The following VPS45 variants were observed in gnomAD, a reference collection of about 807,000 sequenced individuals.
The protein encoded by VPS45 is vacuolar protein sorting-associated protein 45.
A neutral mutation model predicts 75.9 loss-of-function variants in VPS45; 35 were observed. The ratio of observed to expected loss-of-function variants is 0.46; its 90% CI spans 0.35 to 0.61. The LOEUF is 0.61. Ranked by LOEUF, VPS45 falls within the 20% of genes least tolerant of loss-of-function variation. VPS45 has a pLI of 0.00. For missense variants in VPS45, 559 were observed against 685.9 expected, an observed-to-expected ratio of 0.81 and a Z score of 2.07; for synonymous variants, 220 against 238.2, an observed-to-expected ratio of 0.92 and a Z score of 0.70.
At chr1:150,068,483 T>C in intron 1 of VPS45, 147 bp from the exon 2 acceptor site, 2 of 654,982 alleles carry the variant, frequency 3.1e-6, no homozygotes, top group Non-Finnish European at 4.5e-6. Context: ...GTATGTTACC[T>C]ACCTGTTTGG....
At chr1:150,091,864 A>G (rs1340066729) in intron 10 of VPS45, 73 bp from the exon 11 acceptor site, 8 of 1,368,998 alleles carry the variant, frequency 5.8e-6, no homozygotes, top group East Asian at 4.6e-5. Flanking sequence ...TTCAATAATT[A>G]TTAGATCTAA....
At chr1:150,139,511 T>A (rs1553814705) in intron 14 of VPS45, among the ~76,000 whole-genome samples, 1 of 152,072 alleles carries the variant, frequency 6.6e-6, no homozygotes, top group Non-Finnish European at 1.5e-5. Context: ...ATGGTAGCAT[T>A]TTATTCCTCT....
chr1:150,117,287 C>T (rs1657989185), intron 14 of VPS45, among the ~76,000 whole-genome samples: 2 of 150,876 alleles, frequency 1.3e-5, no homozygotes, highest in African/African-American at 4.9e-5. Flanking sequence ...TTTGGGAGGC[C>T]AAGGTGGGCG....
intron 14 of VPS45, among the ~76,000 whole-genome samples, chr1:150,123,360 G>A (rs1181696171): frequency 3.3e-5 from 5 of 152,098 alleles, no homozygotes; most frequent in African/African-American, 1.2e-4. Context: ...GCGTTAATAG[G>A]GTTTTAAGCA....
intron 10 of VPS45, among the ~76,000 whole-genome samples, chr1:150,087,174 C>T (rs587629653): frequency 1.3e-5 from 2 of 152,238 alleles, no homozygotes; most frequent in South Asian, 2.1e-4. Flanking sequence ...ATGGTTTTCT[C>T]GTTGATGTCT....
chr1:150,068,655 C>T lies in VPS45; in HGVS notation c.119C>T (p.Thr40Ile), dbSNP rs782223723. ...ACTGGCATAGTGAGTATGGTATACACACAATCGGAGATTCTACAGAAGGAA... is the reference window on the plus strand; with the variant it reads ...ACTGGCATAGTGAGTATGGTATACATACAATCGGAGATTCTACAGAAGGAA... ...ETTGIVSMVY[T>I]QSEILQKEVY... The change falls in exon 2 of 15, where the codon ACA becomes ATA. Residue 40 changes from threonine (T) to isoleucine (I), a missense_variant. Thr to Ile is a moderately conservative substitution (Grantham distance 89). Transcript: ENST00000644510. The T allele has an allele frequency of 1.1e-5, 17 of 1,609,654 alleles. No homozygotes were observed. Among genetic ancestry groups the T allele is most frequent in the Non-Finnish European group, 1.4e-5 (16 of 1,177,908 alleles).
chr1:150,078,234 A>C (rs587599419), intron 7 of VPS45, among the ~76,000 whole-genome samples: 1 of 152,266 alleles, frequency 6.6e-6, no homozygotes, highest in Admixed American at 6.5e-5. Flanking sequence ...GGCTTAAAAA[A>C]CTTCATTGGT....
intron 7 of VPS45, among the ~76,000 whole-genome samples, chr1:150,080,149 GTT>G (rs869177411): frequency 1.4e-5 from 2 of 145,388 alleles, no homozygotes; most frequent in Non-Finnish European, 1.5e-5. Context: ...TTTGTTGTAC[GTT>G]TTTTTTTTTT....
At position 150,144,617 on chromosome 1, in the gene VPS45, T is replaced by C. The variant is rs139473655; in HGVS notation, c.1626-92T>C. 9 of 1,111,626 alleles carry C rather than the reference T, an allele frequency of 8.1e-6. No homozygotes were observed. In the East Asian group the frequency reaches 2.2e-4, roughly 27 times the overall value. The allele number at this position is 1,111,626 out of a possible 1,614,324, so 68.9% of individuals were successfully genotyped here. On this transcript the variant is annotated intron_variant, in intron 14 of 14. Transcript: ENST00000644510. ...TACCTCCTGCCTACTATTCATGATATATTTTCATCTGGTTAGATGTCCAGA... is the reference window on the plus strand; with the variant it reads ...TACCTCCTGCCTACTATTCATGATACATTTTCATCTGGTTAGATGTCCAGA...
At chr1:150,092,139 GTTA>G in intron 11 of VPS45, 44 bp downstream of exon 11, 1 of 1,588,756 alleles carries the variant, frequency 6.3e-7, no homozygotes, top group Non-Finnish European at 8.6e-7. Context: ...AACCAACTCT[GTTA>G]TTATATTCTT....
At chr1:150,131,017 G>A (rs1304654642) in intron 14 of VPS45, among the ~76,000 whole-genome samples, 2 of 152,196 alleles carry the variant, frequency 1.3e-5, no homozygotes, top group Non-Finnish European at 2.9e-5. Flanking sequence ...GCTCAGATTT[G>A]TGTGATGCTG....
Position 150,092,417 on chromosome 1 carries a change from C to A in VPS45, c.1371+8C>A. On this transcript the variant is annotated splice_region_variant and intron_variant, in intron 12 of 14. Coordinates refer to ENST00000644510, the MANE Select transcript of VPS45 (RefSeq NM_007259.5). ...TTCCTCAAAGGACTGAAGGTATAGA[C>A]ATCTCCTCTATGCTCTCCTGAGTGA... 1 of 1,611,224 alleles carries A rather than the reference C, an allele frequency of 6.2e-7. No individual in the cohort carries two copies. Among genetic ancestry groups the A allele is most frequent in the Non-Finnish European group, 8.5e-7 (1 of 1,177,512 alleles).
chr1:150,139,174 C>G (rs1383410507), intron 14 of VPS45, among the ~76,000 whole-genome samples: 2 of 152,154 alleles, frequency 1.3e-5, no homozygotes, highest in African/African-American at 4.8e-5. Flanking sequence ...GCAGAACCCT[C>G]CAGATGTCTC....
chr1:150,119,874 C>T (rs1393774990), intron 14 of VPS45, among the ~76,000 whole-genome samples: 3 of 152,026 alleles, frequency 2.0e-5, no homozygotes, highest in Non-Finnish European at 2.9e-5. Context: ...TTTGGGAGGC[C>T]GAGGCAGGCG....
At chr1:150,127,449 T>A (rs1658576286) in intron 14 of VPS45, among the ~76,000 whole-genome samples, 1 of 151,986 alleles carries the variant, frequency 6.6e-6, no homozygotes, top group African/African-American at 2.4e-5. Context: ...AAGTAGCTTG[T>A]GCTAACTTTT....
At position 150,082,828 on chromosome 1, in the gene VPS45, T is replaced by C; in HGVS notation, c.1049T>C (p.Val350Ala). ...GTCAGTGAACGGAATCTGCTGGAGG[T>C]TTCAGAGGTTGAGCAAGAACTGGCC... is the stretch of plus-strand genomic sequence containing the variant. ...RLVSERNLLE[V>A]SEVEQELACQ... Residue 350 changes from valine to alanine, a missense_variant, in exon 10 of 15, where the codon GTT becomes GCT. By Grantham distance (64) the Val-to-Ala change is moderately conservative. Coordinates refer to ENST00000644510, the MANE Select transcript of VPS45 (RefSeq NM_007259.5). 6.2e-7 allele frequency: 1 copy of C among 1,613,898 alleles called. No individual in the cohort carries two copies.
rs1274487990 is a variant in VPS45, at chr1:150,108,741, G to A, written c.1494-1755G>A. Among the ~76,000 whole-genome samples the A allele has an allele frequency of 9.9e-5, 15 of 152,282 alleles. No homozygotes were observed. The East Asian group carries it at 2.9e-3, about 29-fold the overall frequency. ...CTACCTCACCCATCATCAGGCAATA[G>A]TTTCATAAGGAACACACAACCTAGA... On this transcript the variant is annotated intron_variant, in intron 13 of 14. Transcript: ENST00000644510.
intron 13 of VPS45, among the ~76,000 whole-genome samples, chr1:150,108,473 T>G (rs782255058): frequency 6.6e-6 from 1 of 152,202 alleles, no homozygotes; most frequent in African/African-American, 2.4e-5. Flanking sequence ...CTATACTGAA[T>G]GGAACAGATG....
chr1:150,118,368 A>G (rs1171300367), intron 14 of VPS45, among the ~76,000 whole-genome samples: 2 of 151,466 alleles, frequency 1.3e-5, no homozygotes, highest in African/African-American at 2.4e-5. Context: ...TGAAACATCT[A>G]GGGTTTTCCT....
Sources: gnomAD v4.1 joint callset for allele counts (sites outside exome capture counted in the v4.1 genomes callset) on GRCh38, gnomAD v4.1.1 for gene constraint, MANE v1.5 for transcripts, NCBI Gene and HGNC (gene_info 2026-07-23, HGNC 2026-07-21) for gene names.